Variants in RIMS1 observed in about 807,000 individuals in gnomAD.
RIMS1 encodes the protein regulating synaptic membrane exocytosis protein 1.
Under a neutral mutation model 214.1 loss-of-function variants are expected in RIMS1, and 83 were observed. That is an observed-to-expected ratio of 0.39 (90% confidence interval 0.32 to 0.47). The LOEUF (loss-of-function observed/expected upper bound fraction) is 0.47. RIMS1 is among the 20% of genes least tolerant of loss of function. RIMS1 has a pLI of 0.99. For missense variants in RIMS1, 2,050 were observed against 2,161.8 expected (o/e 0.95, Z 1.03); for synonymous variants, 793 against 786.8 (o/e 1.01, Z -0.13).
chr6:72,250,531 G>A (rs2072765493), intron 13 of RIMS1, 71 bp downstream of exon 13: 2 of 1,153,380 alleles, frequency 1.7e-6, no homozygotes, highest in Non-Finnish European at 2.4e-6. Flanking sequence ...TTTCTCTTTT[G>A]GGATGTTTTT....
intron 29 of RIMS1, among the ~76,000 whole-genome samples, chr6:72,384,987 C>T (rs573946549): frequency 6.6e-6 from 1 of 152,170 alleles, no homozygotes; most frequent in Non-Finnish European, 1.5e-5. Context: ...TTTTGGAATA[C>T]TCTTTGAGAG....
Position 72,199,304 on chromosome 6 carries a change from C to A in RIMS1, c.1678+16155C>A, listed in dbSNP as rs915108745. Among the ~76,000 whole-genome samples the A allele has an allele frequency of 3.9e-5, 6 of 152,072 alleles. No homozygotes were observed. The South Asian group carries it at 8.3e-4, about 21-fold the overall frequency. On this transcript the variant is annotated intron_variant, in intron 6 of 33. Transcript: ENST00000521978. ...AAAAAATATGATGTAATTTAAGTAA[C>A]TGATACAGCCAATTGGGCCATAAAC... is the stretch of plus-strand genomic sequence containing the variant.
At chr6:72,317,508 T>A (rs2095868486) in intron 28 of RIMS1, 1 of 163,986 alleles carries the variant, frequency 6.1e-6, no homozygotes, top group Admixed American at 6.4e-5. Context: ...TAAAACAATA[T>A]AGATTAAATT....
Position 71,999,125 on chromosome 6 carries a change from A to G in RIMS1, c.245+30062A>G, listed in dbSNP as rs148374102. Among the ~76,000 whole-genome samples, 66 of 152,276 alleles carry G rather than the reference A, an allele frequency of 4.3e-4. No homozygotes were observed. The East Asian group carries it at 9.8e-3, about 23-fold the overall frequency. On this transcript the variant is annotated intron_variant, in intron 2 of 33. Coordinates refer to ENST00000521978, the MANE Select transcript of RIMS1 (RefSeq NM_014989.7). ...AAATATCTTTATTTTAAGATAGATTATAACTGATCACCTAATCAAAATCTA... is the reference window on the plus strand; with the variant it reads ...AAATATCTTTATTTTAAGATAGATTGTAACTGATCACCTAATCAAAATCTA...
intron 10 of RIMS1, among the ~76,000 whole-genome samples, chr6:72,245,262 T>C (rs2068905336): frequency 6.6e-6 from 1 of 151,896 alleles, no homozygotes; most frequent in South Asian, 2.1e-4. Flanking sequence ...ATATATATTA[T>C]ATATTCACAT....
intron 19 of RIMS1, chr6:72,263,309 A>C: frequency 1.0e-6 from 1 of 985,324 alleles, no homozygotes; most frequent in Non-Finnish European, 1.2e-6. Context: ...GGTAGTATAG[A>C]GAAAATGCTA....
intron 4 of RIMS1, among the ~76,000 whole-genome samples, chr6:72,165,513 A>G (rs150954091): frequency 6.6e-6 from 1 of 151,968 alleles, no homozygotes; most frequent in Non-Finnish European, 1.5e-5. Context: ...TTCTGCCTTT[A>G]TATCTATCTG....
chr6:71,983,607 A>C (rs1799072207), intron 2 of RIMS1, among the ~76,000 whole-genome samples: 1 of 152,168 alleles, frequency 6.6e-6, no homozygotes, highest in Non-Finnish European at 1.5e-5. Context: ...TTACCAGAAG[A>C]GGGATGTTGC....
At chr6:72,339,710 G>C (rs1225582287) in intron 29 of RIMS1, among the ~76,000 whole-genome samples, 1 of 152,018 alleles carries the variant, frequency 6.6e-6, no homozygotes, top group Non-Finnish European at 1.5e-5. Context: ...TTGGTTCCAA[G>C]TCTTTGCTAT....
intron 2 of RIMS1, among the ~76,000 whole-genome samples, chr6:72,041,634 T>C (rs1562184624): frequency 1.3e-5 from 2 of 151,920 alleles, no homozygotes; most frequent in African/African-American, 4.8e-5. Context: ...CCCTCTTCCA[T>C]GCAAGTGAGG....
chr6:72,011,265 T>G (rs1212471270), intron 2 of RIMS1, among the ~76,000 whole-genome samples: 1 of 152,184 alleles, frequency 6.6e-6, no homozygotes, highest in Non-Finnish European at 1.5e-5. Context: ...CTGGGAAAAC[T>G]GGCTAGCCAT....
At chr6:72,366,885 T>C (rs1293884286) in intron 29 of RIMS1, 4 of 977,432 alleles carry the variant, frequency 4.1e-6, no homozygotes, top group Non-Finnish European at 4.9e-6. Flanking sequence ...ATGTTCCTTA[T>C]ATGTATTTAC....
At chr6:72,295,744 ATTCT>A (rs2094003123) in intron 26 of RIMS1, among the ~76,000 whole-genome samples, 1 of 151,738 alleles carries the variant, frequency 6.6e-6, no homozygotes, top group African/African-American at 2.4e-5. Flanking sequence ...TGCTGTATTC[ATTCT>A]TTCTTTGATT....
intron 29 of RIMS1, among the ~76,000 whole-genome samples, chr6:72,369,671 G>A (rs572003845): frequency 2.6e-5 from 4 of 152,218 alleles, no homozygotes; most frequent in Non-Finnish European, 5.9e-5. Flanking sequence ...ATTGTAGACT[G>A]TATTCACAGC....
At chr6:72,099,758 A>G (rs901929034) in intron 3 of RIMS1, among the ~76,000 whole-genome samples, 3 of 152,188 alleles carry the variant, frequency 2.0e-5, no homozygotes, top group African/African-American at 7.2e-5. Flanking sequence ...TCTAACATAT[A>G]GCAGGACCCA....
intron 1 of RIMS1, among the ~76,000 whole-genome samples, chr6:71,924,630 C>CAA (rs1250868988): frequency 9.5e-4 from 72 of 76,168 alleles, no homozygotes; most frequent in East Asian, 3.8e-3. Flanking sequence ...CCCATCTCTG[C>CAA]AAAAAAAAAA....
At chr6:72,055,955 A>C (rs1826042272) in intron 2 of RIMS1, among the ~76,000 whole-genome samples, 1 of 152,222 alleles carries the variant, frequency 6.6e-6, no homozygotes, top group African/African-American at 2.4e-5. Flanking sequence ...ATAAAGACAC[A>C]TGCATGCATA....
At chr6:72,069,664 T>C (rs534063659) in intron 2 of RIMS1, among the ~76,000 whole-genome samples, 55 of 152,330 alleles carry the variant, frequency 3.6e-4, no homozygotes, top group African/African-American at 1.3e-3. Context: ...CTCAAAACCT[T>C]CTTTATTCTT....
rs192118841 is a variant in RIMS1, at chr6:72,021,208, T to C, written c.245+52145T>C. Among the ~76,000 whole-genome samples the C allele has an allele frequency of 2.0e-5, 3 of 152,284 alleles. No individual in the cohort carries two copies. The East Asian group carries it at 5.8e-4, about 29-fold the overall frequency. On this transcript the variant is annotated intron_variant, in intron 2 of 33. Transcript: ENST00000521978. Reference sequence around the variant, plus strand: ...GAAGGCATTCTATGTGAGACCATAATTTTTTTAAACAATAATCTTAATAAA... The same window carrying C: ...GAAGGCATTCTATGTGAGACCATAACTTTTTTAAACAATAATCTTAATAAA...
Sources: gnomAD v4.1 joint callset for allele counts (sites outside exome capture counted in the v4.1 genomes callset) on GRCh38, gnomAD v4.1.1 for gene constraint, MANE v1.5 for transcripts, NCBI Gene and HGNC (gene_info 2026-07-23, HGNC 2026-07-21) for gene names.